CDHR2: variants seen among roughly 807,000 people sequenced by gnomAD.
CDHR2 encodes the protein cadherin-related family member 2.
Under a neutral mutation model 138.6 loss-of-function variants are expected in CDHR2, and 104 were observed. The observed-to-expected ratio is 0.75, with a 90% CI of 0.64 to 0.88. The LOEUF (loss-of-function observed/expected upper bound fraction) is 0.88, where lower values mean the gene tolerates loss of function less well. Among genes scored for constraint, CDHR2 ranks in the 40% least tolerant of loss-of-function variants. CDHR2 has a pLI of 0.00. For missense variants in CDHR2, 1,624 were observed against 1,727.6 expected, an observed-to-expected ratio of 0.94 and a Z score of 1.06; for synonymous variants, 755 against 742.8, an observed-to-expected ratio of 1.02 and a Z score of -0.27.
At chr5:176,594,959 G>A (rs1758985839) in intron 31 of CDHR2, among the ~76,000 whole-genome samples, 3 of 152,132 alleles carry the variant, frequency 2.0e-5, no homozygotes, top group Admixed American at 2.0e-4. Context: ...TGTGGGCAGC[G>A]TCCCTCTGAG....
Position 176,589,112 on chromosome 5 carries a change from A to G in CDHR2, c.2938A>G (p.Thr980Ala). Reference sequence around the variant, plus strand: ...AGACTTCATCTCTAAGGACGGGGCCACCATCCCTTTCCAGGGTGTCTTCTC... The same window carrying G: ...AGACTTCATCTCTAAGGACGGGGCCGCCATCCCTTTCCAGGGTGTCTTCTC... ...RVDFISKDGATIPFQGVFSIF... is the reference protein window; with the variant it reads ...RVDFISKDGAAIPFQGVFSIF... Residue 980 changes from threonine (T) to alanine (A), a missense_variant, in exon 22 of 32, where the codon ACC becomes GCC. Thr to Ala is a moderately conservative substitution (Grantham distance 58). Transcript: ENST00000261944. The G allele has an allele frequency of 6.2e-7, 1 of 1,614,082 alleles. No individual in the cohort carries two copies. Among genetic ancestry groups the G allele is most frequent in the Non-Finnish European group, 8.5e-7 (1 of 1,179,986 alleles).
chr5:176,556,667 AAAAC>A (rs570736420), intron 1 of CDHR2: 54 of 152,644 alleles, frequency 3.5e-4, no homozygotes, highest in South Asian at 2.5e-3. Flanking sequence ...TCCGTCTCAA[AAAAC>A]AAACAAACAA....
Position 176,595,760 on chromosome 5 carries a change from C to A in CDHR2, c.*88C>A. ...TCCCTGGAGATGAAAATATATGACG[C>A]TGCCCTGCCTCCTGCTTTTGGCCAA... On this transcript the variant is annotated 3_prime_UTR_variant, in exon 32 of 32. Transcript: ENST00000261944. 7.9e-7 allele frequency: 1 copy of A among 1,272,654 alleles called. No homozygotes were observed. Among genetic ancestry groups the A allele is most frequent in the Non-Finnish European group, 1.1e-6 (1 of 951,950 alleles). The allele number at this position is 1,272,654 out of a possible 1,614,324, so 78.8% of individuals were successfully genotyped here.
chr5:176,575,517 G>C lies in CDHR2; in HGVS notation c.780G>C (p.Val260=). The C allele has an allele frequency of 5.0e-6, 8 of 1,614,188 alleles. No individual in the cohort carries two copies. The highest frequency in any genetic ancestry group is 6.8e-6 in the Non-Finnish European group (8 of 1,180,020). Reference sequence around the variant, plus strand: ...AGGCCCCATTCCAGGGAACCTCGGTGCTGACGGTGGAGGCTGTGGATGGCG... The same window carrying C: ...AGGCCCCATTCCAGGGAACCTCGGTCCTGACGGTGGAGGCTGTGGATGGCG... ...VAEDAAKGTS[V]LTVEAVDGDK... is the part of the protein sequence containing the mutation. Residue 260 remains valine (V), a synonymous_variant, in exon 10 of 32, where the codon GTG becomes GTC. Transcript: ENST00000261944.
intron 16 of CDHR2, 51 bp from the exon 17 acceptor site, chr5:176,581,291 TG>T: frequency 1.2e-6 from 2 of 1,602,220 alleles, no homozygotes; most frequent in Middle Eastern, 1.7e-4. Flanking sequence ...TCGGAGGGGC[TG>T]GGGGCTGGGA....
intron 1 of CDHR2, 45 bp from the exon 2 acceptor site, chr5:176,565,293 A>T: frequency 1.4e-6 from 2 of 1,420,710 alleles, no homozygotes; most frequent in Non-Finnish European, 1.0e-6. Context: ...TGCCAAAAGG[A>T]GGGAGGCCTG....
chr5:176,556,480 C>A (rs1757828364), intron 1 of CDHR2, among the ~76,000 whole-genome samples: 1 of 152,212 alleles, frequency 6.6e-6, no homozygotes, highest in Non-Finnish European at 1.5e-5. Flanking sequence ...TCCCGGCTAA[C>A]ATGGTGAAAC....
At chr5:176,550,128 A>T (rs1757673769) in intron 1 of CDHR2, among the ~76,000 whole-genome samples, 1 of 152,228 alleles carries the variant, frequency 6.6e-6, no homozygotes, top group South Asian at 2.1e-4. Flanking sequence ...GGCACCAGGC[A>T]CAAGGCAGGG....
rs1224041706 is a variant in CDHR2, at chr5:176,586,684, G to A, written c.2807-109G>A. The A allele has an allele frequency of 1.5e-5, 14 of 962,232 alleles. No individual in the cohort carries two copies. In the East Asian group the frequency reaches 3.2e-4, roughly 22 times the overall value. 59.6% of individuals were successfully genotyped at this position (962,232 alleles called of 1,614,324 possible). A position where few individuals can be genotyped will look rare whatever the true frequency, so the allele number is the denominator to read the frequency against. On this transcript the variant is annotated intron_variant, in intron 20 of 31. Coordinates refer to ENST00000261944, the MANE Select transcript of CDHR2 (RefSeq NM_017675.6). ...AATAGGGGTCTCTTTTGGTAGAGAGGTTGAGGGCAGGTTTAGGGGGATGAG... is the reference window on the plus strand; with the variant it reads ...AATAGGGGTCTCTTTTGGTAGAGAGATTGAGGGCAGGTTTAGGGGGATGAG...
chr5:176,593,226 G>A (rs1400828107), intron 31 of CDHR2, among the ~76,000 whole-genome samples: 4 of 151,956 alleles, frequency 2.6e-5, no homozygotes, highest in Non-Finnish European at 5.9e-5. Context: ...CAACAGTACC[G>A]CCATCTGTTA....
chr5:176,566,817 C>A, intron 3 of CDHR2: 1 of 408,784 alleles, frequency 2.4e-6, no homozygotes, highest in Non-Finnish European at 5.0e-6. Flanking sequence ...CGCCTAGCTG[C>A]AAGGGAACCT....
intron 16 of CDHR2, among the ~76,000 whole-genome samples, chr5:176,580,126 G>A (rs112522197): frequency 2.7e-5 from 3 of 110,842 alleles, no homozygotes; most frequent in East Asian, 2.9e-4. Context: ...ACACACTCAC[G>A]CACGCACTCA....
upstream of CDHR2, among the ~76,000 whole-genome samples, chr5:176,545,486 G>T (rs143351445): frequency 6.6e-6 from 1 of 152,218 alleles, no homozygotes; most frequent in African/African-American, 2.4e-5. Flanking sequence ...ACACACTTCA[G>T]ACAGTGGCTG....
chr5:176,565,380 C>G lies in CDHR2; in HGVS notation c.28C>G (p.Leu10Val), dbSNP rs1758056012. MAQLWLSCF[L>V]LPALVVSVAA... ...GGCCCAGCTATGGCTGTCCTGCTTC[C>G]TCCTTCCTGCCCTCGTGGTGTCTGG... The change falls in exon 2 of 32, where the codon CTC becomes GTC. Residue 10 changes from leucine (L) to valine (V), a missense_variant. Leu to Val is a conservative substitution (Grantham distance 32, BLOSUM62 1). Around this residue, in one of 3 missense-constraint regions of CDHR2, gnomAD observed 1,061 missense variants for 1,136.6 expected, o/e 0.93. Coordinates refer to ENST00000261944, the MANE Select transcript of CDHR2 (RefSeq NM_017675.6). The G allele has an allele frequency of 6.2e-7, 1 of 1,614,024 alleles. No individual in the cohort carries two copies. Among genetic ancestry groups the G allele is most frequent in the Admixed American group, 1.7e-5 (1 of 60,006 alleles).
Position 176,543,084 on chromosome 5 carries a change from G to A in CDHR2, c.-16+315G>A, listed in dbSNP as rs2113232112. Among the ~76,000 whole-genome samples the A allele has an allele frequency of 6.6e-6, 1 of 151,836 alleles. No homozygotes were observed. The highest frequency in any genetic ancestry group is 2.4e-5 in the African/African-American group (1 of 41,486). ...GACCTAGCGGACGGGGAGAAGAGCGGCGCAGCTCCCGCTGCCGGGCCCGGG... is the reference window on the plus strand; with the variant it reads ...GACCTAGCGGACGGGGAGAAGAGCGACGCAGCTCCCGCTGCCGGGCCCGGG... On this transcript the variant is annotated intron_variant, in intron 1 of 31. Coordinates refer to the CDHR2 transcript ENST00000510636. This position sits in a 1 kb window ranked among gnomAD's most constrained non-coding sequence, Gnocchi z 4.0.
At chr5:176,557,719 T>TCTTTCTTTCTTTC (rs1757870442) in intron 1 of CDHR2, among the ~76,000 whole-genome samples, 56 of 144,542 alleles carry the variant, frequency 3.9e-4, no homozygotes, top group African/African-American at 1.4e-3. Context: ...TCTTTTTTTT[T>TCTTTCTTTCTTTC]TATTTTGAAA....
intron 17 of CDHR2, among the ~76,000 whole-genome samples, chr5:176,583,982 G>T (rs184519096): frequency 2.6e-5 from 4 of 152,170 alleles, no homozygotes; most frequent in African/African-American, 7.2e-5. Context: ...TAAGGCCAAG[G>T]TCCCACTGTA....
intron 19 of CDHR2, 81 bp downstream of exon 19, chr5:176,585,096 G>T (rs1011956881): frequency 2.8e-6 from 4 of 1,435,880 alleles, no homozygotes; most frequent in Admixed American, 2.4e-5. Context: ...GAACTCACAA[G>T]GTCTGGGCTC....
In CDHR2 at chr5:176,584,187, C is replaced by T. The variant is rs771036420; in HGVS notation, c.2059-3C>T. On this transcript the variant is annotated splice_region_variant and splice_polypyrimidine_tract_variant and intron_variant, in intron 17 of 31. Transcript: ENST00000261944. ...GGGGACTCAGACCTGTCTCTGACTG[C>T]AGGACATCAATGATAACCTGCCCAT... is the stretch of plus-strand genomic sequence containing the variant. 3 of 1,613,624 alleles carry T rather than the reference C, an allele frequency of 1.9e-6. No homozygotes were observed. The highest frequency in any genetic ancestry group is 2.2e-5 in the East Asian group (1 of 44,878).
Sources: allele counts gnomAD v4.1 joint callset (sites outside exome capture counted in the v4.1 genomes callset), GRCh38; gene constraint gnomAD v4.1.1; regional missense constraint gnomAD v4.1.1; non-coding constraint Gnocchi (gnomAD v3.1); transcripts MANE v1.5; gene names NCBI Gene and HGNC (gene_info 2026-07-23, HGNC 2026-07-21).